Variants in HLA-DRB5 observed in about 807,000 individuals in gnomAD.
The protein encoded by HLA-DRB5 is DR beta-5.
In HLA-DRB5, 11 loss-of-function variants were observed where a neutral mutation model predicts 22.4. That is an observed-to-expected ratio of 0.49 (90% confidence interval 0.31 to 0.81). HLA-DRB5 has a LOEUF of 0.81. HLA-DRB5 is among the 40% of genes least tolerant of loss of function. The pLI is 0.05. For synonymous variants in HLA-DRB5, 57 were observed against 106.0 expected, an observed-to-expected ratio of 0.54 and a Z score of 2.84; for missense variants, 106 against 274.4, an observed-to-expected ratio of 0.39 and a Z score of 4.34.
At chr6:32,528,385 A>T (rs1312337344) in intron 1 of HLA-DRB5, among the ~76,000 whole-genome samples, 1 of 148,188 alleles carries the variant, frequency 6.7e-6, no homozygotes, top group Non-Finnish European at 1.5e-5. Context: ...ATTTGAACCT[A>T]GAAGGGAGCC....
intron 2 of HLA-DRB5, among the ~76,000 whole-genome samples, chr6:32,520,810 G>T (rs1291554146): frequency 2.4e-5 from 1 of 42,152 alleles, no homozygotes; most frequent in Non-Finnish European, 4.9e-5. Flanking sequence ...TCTTAACATA[G>T]AATTTTCAAA....
chr6:32,521,744 A>G (rs140066841), intron 2 of HLA-DRB5, among the ~76,000 whole-genome samples, 161 bp downstream of exon 2: 694 of 12,510 alleles, frequency 0.055, 316 homozygotes, highest in Middle Eastern at 0.14. Flanking sequence ...TCCTTGCTCA[A>G]GATTGAGAGG....
intron 2 of HLA-DRB5, among the ~76,000 whole-genome samples, chr6:32,519,856 G>GTTTGGCTCTTCATAAATTA (rs1768607588): frequency 2.3e-5 from 2 of 86,778 alleles, no homozygotes; most frequent in Admixed American, 1.3e-4. Context: ...GTGAAAAATT[G>GTTTGGCTCTTCATAAATTA]TGTTTGTTTC....
rs750643875 is a variant in HLA-DRB5, at chr6:32,518,633, A to G, written c.686T>C (p.Leu229Pro). ...AQSESAQSKM[L>P]SGVGGFVLGL... ...CAGCACAAAGCCCCCGACTCCACTC[A>G]GCATCTTGCTCTGTGCAGATTCAGA... Residue 229 changes from leucine to proline, a missense_variant, in exon 4 of 6, where the codon CTG becomes CCG. Transcript: ENST00000374975. The G allele has an allele frequency of 2.2e-4, 144 of 665,434 alleles. 31 individuals carry two copies. The Middle Eastern group carries it at 2.2e-3, about 10-fold the overall frequency. 41.2% of individuals were successfully genotyped at this position (665,434 alleles called of 1,614,324 possible).
At chr6:32,525,514 G>A (rs1769493118) in intron 1 of HLA-DRB5, among the ~76,000 whole-genome samples, 1 of 117,630 alleles carries the variant, frequency 8.5e-6, no homozygotes, top group Non-Finnish European at 1.7e-5. Context: ...TTGTCATTCT[G>A]AAAACAGAGG....
Position 32,524,912 on chromosome 6 carries a change from C to T in HLA-DRB5, c.101-2738G>A, listed in dbSNP as rs187638149. On this transcript the variant is annotated intron_variant, in intron 1 of 5. Coordinates refer to ENST00000374975, the MANE Select transcript of HLA-DRB5 (RefSeq NM_002125.4). ...ATTTAACTAGGAACCTGTTTGTTAT[C>T]TGACAACCCTAGCCAGACTTGCTAG... Among the ~76,000 whole-genome samples, 110 of 28,286 alleles carry T rather than the reference C, an allele frequency of 3.9e-3. 9 individuals are homozygous for T. The highest frequency in any genetic ancestry group is 5.9e-3 in the East Asian group (6 of 1,012). The allele number at this position is 28,286 out of a possible 152,430, so 18.6% of individuals were successfully genotyped here.
At chr6:32,529,012 C>T (rs199695557) in intron 1 of HLA-DRB5, among the ~76,000 whole-genome samples, 21,007 of 115,000 alleles carry the variant, frequency 0.18, 125 homozygotes, top group Non-Finnish European at 0.21. Context: ...TTAGGGATTT[C>T]TGGATATGAT....
chr6:32,528,339 G>C (rs189960305), intron 1 of HLA-DRB5, among the ~76,000 whole-genome samples: 6,413 of 62,378 alleles, frequency 0.1, no homozygotes, highest in African/African-American at 0.14. Context: ...GTAACCTTGA[G>C]AGTCGGGACC....
At chr6:32,529,855 A>G (rs76035945) in intron 1 of HLA-DRB5, among the ~76,000 whole-genome samples, 33,784 of 150,108 alleles carry the variant, frequency 0.23, 8 homozygotes, top group East Asian at 0.28. Context: ...TAAATCCTCT[A>G]AAGACCCTGA....
At chr6:32,525,052 T>TCCCA (rs1434425041) in intron 1 of HLA-DRB5, among the ~76,000 whole-genome samples, 4,880 of 40,304 alleles carry the variant, frequency 0.12, 1,731 homozygotes, top group African/African-American at 0.15. Flanking sequence ...AAGTTTCTTT[T>TCCCA]ATACATTGGA....
Position 32,519,355 on chromosome 6 carries a change from C to T in HLA-DRB5, c.652+15G>A. The T allele has an allele frequency of 6.9e-6, 8 of 1,159,456 alleles. No individual in the cohort carries two copies. Among genetic ancestry groups the T allele is most frequent in the Non-Finnish European group, 6.9e-6 (6 of 863,448 alleles). 71.8% of individuals were successfully genotyped at this position (1,159,456 alleles called of 1,614,324 possible). A position where few individuals can be genotyped will look rare whatever the true frequency, so the allele number is the denominator to read the frequency against. On this transcript the variant is annotated intron_variant, in intron 3 of 5. Transcript: ENST00000374975. ...TTGGTGGTTGAGAAATTTATGAAGT[C>T]AGAAAGCTGCTCACTCCATTCCACT... is the stretch of plus-strand genomic sequence containing the variant.
intron 1 of HLA-DRB5, among the ~76,000 whole-genome samples, chr6:32,528,401 C>A (rs147725636): frequency 3.3e-3 from 413 of 126,822 alleles, no homozygotes; most frequent in East Asian, 7.3e-3. Flanking sequence ...GAGCCCAGTA[C>A]AGAGTAGCTG....
intron 1 of HLA-DRB5, among the ~76,000 whole-genome samples, chr6:32,522,772 G>A (rs113805201): frequency 0.12 from 3,300 of 28,096 alleles, 930 homozygotes; most frequent in East Asian, 0.19. Flanking sequence ...AGAACACAGA[G>A]TAATAGGATG....
rs777413325 is a variant in HLA-DRB5 at position 32,521,939 on chromosome 6, G to C, written c.336C>G (p.Tyr112Ter). Reference sequence around the variant, plus strand: ...GCACTGTGAAGCTCTCACCAACCCCGTAGTTGTGTCTGCAGTAGGTGTCCA... The same window carrying C: ...GCACTGTGAAGCTCTCACCAACCCCCTAGTTGTGTCTGCAGTAGGTGTCCA... ...AAVDTYCRHN[Y>*]GVGESFTVQR... The change falls in exon 2 of 6, where the codon TAC becomes TAG. Residue 112 changes from tyrosine to a stop codon, truncating the protein, a stop_gained. Transcript: ENST00000374975. LOFTEE classifies it high-confidence loss of function. 7 of 1,535,876 alleles carry C rather than the reference G, an allele frequency of 4.6e-6. No individual in the cohort carries two copies. Among genetic ancestry groups the C allele is most frequent in the South Asian group, 3.4e-5 (3 of 88,582 alleles).
intron 1 of HLA-DRB5, 74 bp downstream of exon 1, chr6:32,530,051 C>A (rs1381699292): frequency 0.041 from 32,561 of 794,376 alleles, 78 homozygotes; most frequent in African/African-American, 0.065. Context: ...AGGCACCTGG[C>A]CTGGGCACAA....
rs1421222339 is a variant in HLA-DRB5 at position 32,526,248 on chromosome 6, C to A, written c.100+3877G>T. ...TTCTCTGTCACATTCTCACTTCACC[C>A]TCCTCTTAGTGGTACTCACCACAAT... is the stretch of plus-strand genomic sequence containing the variant. On this transcript the variant is annotated intron_variant, in intron 1 of 5. Transcript: ENST00000374975. Among the ~76,000 whole-genome samples the A allele has an allele frequency of 1.4e-4, 7 of 51,662 alleles. 2 individuals are homozygous for A. The highest frequency in any genetic ancestry group is 2.8e-4 in the Non-Finnish European group (7 of 25,054). 33.9% of individuals were successfully genotyped at this position (51,662 alleles called of 152,430 possible). A position where few individuals can be genotyped will look rare whatever the true frequency, so the allele number is the denominator to read the frequency against.
At chr6:32,524,620 C>T (rs1461177789) in intron 1 of HLA-DRB5, among the ~76,000 whole-genome samples, 1 of 133,026 alleles carries the variant, frequency 7.5e-6, no homozygotes, top group African/African-American at 2.8e-5. Context: ...CTCCGTTTGC[C>T]CTTTAGAAAT....
At chr6:32,521,533 C>A (rs568844667) in intron 2 of HLA-DRB5, among the ~76,000 whole-genome samples, 603 of 107,244 alleles carry the variant, frequency 5.6e-3, no homozygotes, top group Middle Eastern at 8.2e-3. Flanking sequence ...CAACCACACA[C>A]ACCTTACACT....
At chr6:32,529,994 C>CATA (rs113387056) in intron 1 of HLA-DRB5, 131 bp downstream of exon 1, 379 of 516,868 alleles carry the variant, frequency 7.3e-4, no homozygotes, top group South Asian at 1.4e-3. Flanking sequence ...ATTTGGGATC[C>CATA]CATGATAAAG....
Sources: allele counts gnomAD v4.1 joint callset (sites outside exome capture counted in the v4.1 genomes callset), GRCh38; gene constraint gnomAD v4.1.1; transcripts MANE v1.5; gene names NCBI Gene and HGNC (gene_info 2026-07-23, HGNC 2026-07-21).